The following PCDHGB4 variants were observed in gnomAD, a reference collection of about 807,000 sequenced individuals.
PCDHGB4 encodes protocadherin gamma-B4.
Under a neutral mutation model 60.5 loss-of-function variants are expected in PCDHGB4, and 38 were observed. The observed-to-expected ratio is 0.63, with a 90% CI of 0.48 to 0.82. The LOEUF (loss-of-function observed/expected upper bound fraction) is 0.82. Ranked by LOEUF, PCDHGB4 falls within the 40% of genes least tolerant of loss-of-function variation. PCDHGB4 has a pLI of 0.00. For missense variants in PCDHGB4, 1,109 were observed against 1,209.6 expected, an observed-to-expected ratio of 0.92 and a Z score of 1.23; for synonymous variants, 456 against 509.7, an observed-to-expected ratio of 0.89 and a Z score of 1.42.
At chr5:141,475,997 G>A in intron 1 of PCDHGB4, 2 of 1,184,406 alleles carry the variant, frequency 1.7e-6, no homozygotes, top group East Asian at 2.4e-5. Flanking sequence ...CAAATCAACG[G>A]CATCCAGAAA....
At chr5:141,391,398 A>G (rs924962931) in intron 1 of PCDHGB4, 11 of 151,014 alleles carry the variant, frequency 7.3e-5, no homozygotes, top group Middle Eastern at 3.4e-3. Flanking sequence ...CTCCAGCCTC[A>G]AACTCCTGGG....
intron 1 of PCDHGB4, chr5:141,478,171 G>A (rs141465380): frequency 7.3e-5 from 118 of 1,613,942 alleles, no homozygotes; most frequent in African/African-American, 1.5e-4. Flanking sequence ...CCCCCCGGGA[G>A]CAGAAAAAAA....
rs934366037 is a variant in PCDHGB4, at chr5:141,408,906, C to T, written c.2397+18625C>T. On this transcript the variant is annotated intron_variant, in intron 1 of 3. Transcript: ENST00000519479. Reference sequence around the variant, plus strand: ...CACATAGAAATTTCTGTCAAGGATACCAATGATAACCCCCCGGTTTTCAGC... The same window carrying T: ...CACATAGAAATTTCTGTCAAGGATATCAATGATAACCCCCCGGTTTTCAGC... 2.5e-6 allele frequency: 4 copies of T among 1,613,136 alleles called. No homozygotes were observed. The African/African-American group carries it at 4.0e-5, about 16-fold the overall frequency.
Position 141,476,935 on chromosome 5 carries a change from A to G in PCDHGB4, c.2398-17872A>G. The G allele has an allele frequency of 6.2e-7, 1 of 1,614,166 alleles. No homozygotes were observed. Among genetic ancestry groups the G allele is most frequent in the Non-Finnish European group, 8.5e-7 (1 of 1,180,046 alleles). Reference sequence around the variant, plus strand: ...AAGTCCTTGCAACGGATCTGGATGAAGGCCCCAACGGTGAAATTATTTACT... The same window carrying G: ...AAGTCCTTGCAACGGATCTGGATGAGGGCCCCAACGGTGAAATTATTTACT... On this transcript the variant is annotated intron_variant, in intron 1 of 3. Transcript: ENST00000519479. This position sits in a 1 kb window ranked among gnomAD's most constrained non-coding sequence, Gnocchi z 7.6.
intron 1 of PCDHGB4, among the ~76,000 whole-genome samples, chr5:141,454,796 A>ATTTTTTTTTTTTTTTTTTTTTTTTTTT (rs61612330): frequency 3.9e-5 from 3 of 77,408 alleles, no homozygotes; most frequent in Admixed American, 1.8e-4. Flanking sequence ...CATGGTTCTA[A>ATTTTTTTTTTTTTTTTTTTTTTTTTTT]TTTTTTTTTT....
rs762363185 is a variant in PCDHGB4, at chr5:141,390,025, G to A, written c.2141G>A (p.Arg714Gln). ...ATTCTGGCCATTGCCTTGCGCCTGC[G>A]ACGCTCCTCCAGCCCCGCCTCCTGG... is the stretch of plus-strand genomic sequence containing the variant. ...AMILAIALRL[R>Q]RSSSPASWSC... The change falls in exon 1 of 4, where the codon CGA becomes CAA. Residue 714 changes from arginine to glutamine, a missense_variant. This residue lies in a region of PCDHGB4 where 1,068 missense variants were observed against 1,089.9 expected (regional missense o/e 0.98). Transcript: ENST00000519479. 1.2e-6 allele frequency: 2 copies of A among 1,613,882 alleles called. No individual in the cohort carries two copies. The highest frequency in any genetic ancestry group is 1.3e-5 in the African/African-American group (1 of 74,918).
At position 141,512,091 on chromosome 5, in the gene PCDHGB4, A is replaced by C. The variant is rs1329025049; in HGVS notation, c.*918A>C. On this transcript the variant is annotated 3_prime_UTR_variant, in exon 4 of 4. Transcript: ENST00000519479. The stretch of plus-strand genomic sequence containing the variant: ...TCCAGATTCCAGCCATAAACCAATA[A>C]CTAGGCTGGACCCTTCCCACTACAT... 1 of 152,656 alleles carries C rather than the reference A, an allele frequency of 6.6e-6. No homozygotes were observed. The highest frequency in any genetic ancestry group is 2.4e-5 in the African/African-American group (1 of 41,456). 9.5% of individuals were successfully genotyped at this position (152,656 alleles called of 1,614,324 possible). A position where few individuals can be genotyped will look rare whatever the true frequency, so the allele number is the denominator to read the frequency against.
intron 1 of PCDHGB4, chr5:141,423,072 G>A: frequency 1.2e-6 from 2 of 1,614,120 alleles, no homozygotes; most frequent in Non-Finnish European, 1.7e-6. Flanking sequence ...CCAGCGAGCC[G>A]GGACTCTTCG....
At position 141,494,730 on chromosome 5, in the gene PCDHGB4, G is replaced by A. The variant is rs1595262506; in HGVS notation, c.2398-77G>A. 18 of 1,609,816 alleles carry A rather than the reference G, an allele frequency of 1.1e-5. No individual in the cohort carries two copies. In the East Asian group the frequency reaches 4.0e-4, roughly 36 times the overall value. On this transcript the variant is annotated intron_variant, in intron 1 of 3. Coordinates refer to ENST00000519479, the MANE Select transcript of PCDHGB4 (RefSeq NM_003736.4). ...GTGCCCACTCCCCTCCTTCTCTCCC[G>A]GCCCATCCCTAGGGGCTCGGGTGAC...
At chr5:141,414,098 C>A in intron 1 of PCDHGB4, 1 of 1,594,212 alleles carries the variant, frequency 6.3e-7, no homozygotes, top group Non-Finnish European at 8.5e-7. Flanking sequence ...ATAAAAATAT[C>A]AGAAAATCTA....
At position 141,486,134 on chromosome 5, in the gene PCDHGB4, C is replaced by T; in HGVS notation, c.2398-8673C>T. 6.2e-7 allele frequency: 1 copy of T among 1,614,168 alleles called. No homozygotes were observed. ...TGAGAATTACTATGAATTTGATGTG[C>T]GGGCTCGCGATGGGGGTTCTCCAGC... On this transcript the variant is annotated intron_variant, in intron 1 of 3. Coordinates refer to ENST00000519479, the MANE Select transcript of PCDHGB4 (RefSeq NM_003736.4). The surrounding 1 kb of genome is among the most constrained non-coding windows in gnomAD (Gnocchi z 5.0).
At chr5:141,499,570 A>C (rs1027373056) in intron 2 of PCDHGB4, among the ~76,000 whole-genome samples, 2 of 152,200 alleles carry the variant, frequency 1.3e-5, no homozygotes, top group Non-Finnish European at 2.9e-5. Flanking sequence ...TCCAGCTTCA[A>C]CTAATGCCTT....
Position 141,490,869 on chromosome 5 carries a change from A to AT in PCDHGB4, c.2398-3936dup. 1.2e-6 allele frequency: 2 copies of AT among 1,613,902 alleles called. No individual in the cohort carries two copies. Among genetic ancestry groups the AT allele is most frequent in the Non-Finnish European group, 8.5e-7 (1 of 1,179,954 alleles). ...GGGTTCGAGACTCCGGCTCTCCCCC[A>AT]TTGCATGCCAACACATCTCTGCATG... On this transcript the variant is annotated intron_variant, in intron 1 of 3. Coordinates refer to ENST00000519479, the MANE Select transcript of PCDHGB4 (RefSeq NM_003736.4). This position sits in a 1 kb window ranked among gnomAD's most constrained non-coding sequence, Gnocchi z 5.4.
chr5:141,416,532 A>T (rs3806830), intron 1 of PCDHGB4: 1 of 152,142 alleles, frequency 6.6e-6, no homozygotes, highest in Non-Finnish European at 1.5e-5. Context: ...TCTTTAATGT[A>T]TAAGGAGGCA....
chr5:141,404,771 C>T lies in PCDHGB4; in HGVS notation c.2397+14490C>T, dbSNP rs376650362. On this transcript the variant is annotated intron_variant, in intron 1 of 3. Coordinates refer to ENST00000519479, the MANE Select transcript of PCDHGB4 (RefSeq NM_003736.4). Reference sequence around the variant, plus strand: ...AGGCCAGAATGCTTGGCTCTCCTACCGCCTATTCAAGGCCAGTGAGCCAGG... The same window carrying T: ...AGGCCAGAATGCTTGGCTCTCCTACTGCCTATTCAAGGCCAGTGAGCCAGG... The T allele has an allele frequency of 3.3e-5, 53 of 1,613,868 alleles. No homozygotes were observed. Among genetic ancestry groups the T allele is most frequent in the African/African-American group, 1.9e-4 (14 of 74,938 alleles).
At chr5:141,479,023 GT>G (rs1436478867) in intron 1 of PCDHGB4, among the ~76,000 whole-genome samples, 1 of 152,056 alleles carries the variant, frequency 6.6e-6, no homozygotes, top group Non-Finnish European at 1.5e-5. Context: ...ATTTTCCTTT[GT>G]TTATACAGAT....
Position 141,477,932 on chromosome 5 carries a change from C to T in PCDHGB4, c.2398-16875C>T. 1 of 1,614,158 alleles carries T rather than the reference C, an allele frequency of 6.2e-7. No homozygotes were observed. The highest frequency in any genetic ancestry group is 8.5e-7 in the Non-Finnish European group (1 of 1,180,034). ...CGCGGATGCAGGGCACAATGCCTGGCTCTCCTACAGTCTCTTGGGATCCCC... is the reference window on the plus strand; with the variant it reads ...CGCGGATGCAGGGCACAATGCCTGGTTCTCCTACAGTCTCTTGGGATCCCC... On this transcript the variant is annotated intron_variant, in intron 1 of 3. Coordinates refer to ENST00000519479, the MANE Select transcript of PCDHGB4 (RefSeq NM_003736.4). This position sits in a 1 kb window ranked among gnomAD's most constrained non-coding sequence, Gnocchi z 4.9.
chr5:141,501,478 T>A (rs536337246), intron 2 of PCDHGB4, among the ~76,000 whole-genome samples: 5 of 151,890 alleles, frequency 3.3e-5, no homozygotes, highest in Non-Finnish European at 7.4e-5. Flanking sequence ...CCTGGAAGAG[T>A]CCCTCATATC....
chr5:141,504,848 C>G (rs181277525), intron 2 of PCDHGB4, among the ~76,000 whole-genome samples: 1 of 152,236 alleles, frequency 6.6e-6, no homozygotes, highest in Non-Finnish European at 1.5e-5. Context: ...CTGGAACATT[C>G]TCTTCCATTT....
Sources: allele counts gnomAD v4.1 joint callset (sites outside exome capture counted in the v4.1 genomes callset), GRCh38; gene constraint gnomAD v4.1.1; regional missense constraint gnomAD v4.1.1; non-coding constraint Gnocchi (gnomAD v3.1); transcripts MANE v1.5; gene names NCBI Gene and HGNC (gene_info 2026-07-23, HGNC 2026-07-21).